Variants in LARS2 observed in about 807,000 individuals in gnomAD.
LARS2 encodes the protein leucyl-tRNA synthetase 2, mitochondrial.
LARS2 carries 81 observed loss-of-function variants against 116.6 expected under a neutral mutation model. The observed-to-expected ratio is 0.69, with a 90% confidence interval of 0.58 to 0.84. LARS2 has a LOEUF of 0.84. LARS2 is among the 40% of genes least tolerant of loss of function. The pLI, the probability that LARS2 is intolerant of heterozygous loss-of-function variation, is 0.00. For synonymous variants in LARS2, 396 were observed against 407.2 expected, an observed-to-expected ratio of 0.97 and a Z score of 0.33; for missense variants, 968 against 1,114.5, an observed-to-expected ratio of 0.87 and a Z score of 1.87.
intron 7 of LARS2, among the ~76,000 whole-genome samples, chr3:45,448,603 A>C (rs7645740): frequency 0.7 from 106,557 of 151,784 alleles, 39,592 homozygotes; most frequent in East Asian, 0.89. Context: ...TTATTAACAG[A>C]AAGGGAGTCA....
chr3:45,434,203 G>T (rs191630074), intron 6 of LARS2, among the ~76,000 whole-genome samples: 1 of 152,294 alleles, frequency 6.6e-6, no homozygotes, highest in Admixed American at 6.5e-5. Context: ...TGCCTTAGGA[G>T]ACTCTGATGA....
chr3:45,404,830 G>T (rs1390620899), intron 4 of LARS2, among the ~76,000 whole-genome samples: 1 of 152,048 alleles, frequency 6.6e-6, no homozygotes, highest in Non-Finnish European at 1.5e-5. Flanking sequence ...CAGGTGATCA[G>T]CCTGCCTCGG....
intron 15 of LARS2, among the ~76,000 whole-genome samples, chr3:45,510,140 C>T (rs1029315865): frequency 9.9e-5 from 15 of 152,166 alleles, no homozygotes; most frequent in South Asian, 2.1e-4. Flanking sequence ...AGGCCAGGAG[C>T]AGTGGCTCAT....
At chr3:45,542,884 A>C (rs757242024) in intron 21 of LARS2, among the ~76,000 whole-genome samples, 10 of 152,252 alleles carry the variant, frequency 6.6e-5, no homozygotes, top group Non-Finnish European at 1.5e-4. Context: ...GATAGGGAAG[A>C]ATAAAAAGGA....
rs575167922 is a variant in LARS2, at chr3:45,458,662, G to A, written c.607-81G>A. The stretch of plus-strand genomic sequence containing the variant: ...AGATCACGCCACTGCACTCTAGCCC[G>A]GGCGACAGTGCGACACTCCCTGTCA... On this transcript the variant is annotated intron_variant, in intron 7 of 21. Transcript: ENST00000645846. 121 of 1,441,320 alleles carry A rather than the reference G, an allele frequency of 8.4e-5. 1 individual carries two copies. Among genetic ancestry groups the A allele is most frequent in the Middle Eastern group, 1.8e-4 (1 of 5,694 alleles). 89.3% of individuals were successfully genotyped at this position (1,441,320 alleles called of 1,614,324 possible).
chr3:45,473,331 C>T (rs1699558253), intron 8 of LARS2, among the ~76,000 whole-genome samples: 2 of 151,688 alleles, frequency 1.3e-5, no homozygotes. Flanking sequence ...AGATAGATGA[C>T]AAATATGAAA....
intron 4 of LARS2, among the ~76,000 whole-genome samples, chr3:45,413,822 G>T (rs2125683634): frequency 6.6e-6 from 1 of 152,338 alleles, no homozygotes; most frequent in Middle Eastern, 3.4e-3. Flanking sequence ...GCTTAGGAGA[G>T]AACAGATCTG....
chr3:45,401,003 C>CGG (rs1698138124), intron 4 of LARS2, among the ~76,000 whole-genome samples: 2 of 151,956 alleles, frequency 1.3e-5, no homozygotes, highest in South Asian at 2.1e-4. Flanking sequence ...TTAGTAGAGA[C>CGG]GGTTTCACTG....
intron 7 of LARS2, among the ~76,000 whole-genome samples, chr3:45,447,929 TTAAAG>T (rs1301370347): frequency 1.3e-5 from 2 of 152,070 alleles, no homozygotes; most frequent in South Asian, 2.1e-4. Context: ...TTGCTTAAAT[TTAAAG>T]TAATTAAAAT....
At chr3:45,455,608 G>T (rs747951723) in intron 7 of LARS2, among the ~76,000 whole-genome samples, 17 of 152,118 alleles carry the variant, frequency 1.1e-4, no homozygotes, top group Admixed American at 5.2e-4. Flanking sequence ...ATGAAAAATG[G>T]AACTACCATA....
chr3:45,427,313 C>T (rs1698611209), intron 6 of LARS2, among the ~76,000 whole-genome samples: 1 of 152,166 alleles, frequency 6.6e-6, no homozygotes, highest in African/African-American at 2.4e-5. Context: ...GGTTCTCAAA[C>T]TTTGGCAAGC....
At chr3:45,417,433 G>C in intron 4 of LARS2, 49 bp from the exon 5 acceptor site, 2 of 1,345,422 alleles carry the variant, frequency 1.5e-6, no homozygotes, top group Non-Finnish European at 2.1e-6. Flanking sequence ...CAATACCAAT[G>C]GAGTTATTAA....
intron 6 of LARS2, among the ~76,000 whole-genome samples, chr3:45,431,603 T>A (rs995248222): frequency 1.3e-5 from 2 of 152,086 alleles, no homozygotes; most frequent in South Asian, 4.1e-4. Context: ...AATGGGAATG[T>A]TATAACTTTT....
chr3:45,539,518 C>T (rs1202864558), intron 20 of LARS2, among the ~76,000 whole-genome samples: 1 of 152,054 alleles, frequency 6.6e-6, no homozygotes, highest in African/African-American at 2.4e-5. Context: ...ATAGTCTCAG[C>T]TACTCAGGAG....
chr3:45,404,800 T>C (rs139820027), intron 4 of LARS2, among the ~76,000 whole-genome samples: 5,134 of 152,258 alleles, frequency 0.034, 119 homozygotes, highest in East Asian at 0.11. Flanking sequence ...TTGGCCAGGC[T>C]GGTCTAGAAC....
At chr3:45,492,969 T>C (rs1430099368) in intron 13 of LARS2, among the ~76,000 whole-genome samples, 2 of 152,172 alleles carry the variant, frequency 1.3e-5, no homozygotes, top group Non-Finnish European at 2.9e-5. Context: ...AGGGCTTCCC[T>C]ACCAGAGATG....
Position 45,518,020 on chromosome 3 carries a change from A to T in LARS2, c.2162A>T (p.Glu721Val). The T allele has an allele frequency of 6.2e-7, 1 of 1,613,844 alleles. No individual in the cohort carries two copies. Reference sequence around the variant, plus strand: ...CAGCCTCAGCTGCTGAGTAACAAGGAGAAAGCTGAGGCCAGGAAGCTCTGG... The same window carrying T: ...CAGCCTCAGCTGCTGAGTAACAAGGTGAAAGCTGAGGCCAGGAAGCTCTGG... ...SPQPQLLSNK[E>V]KAEARKLWEY... Residue 721 changes from glutamate (E) to valine (V), a missense_variant, in exon 18 of 22, where the codon GAG (glutamate) becomes GTG (valine). By Grantham distance (121) the Glu-to-Val change is moderately radical. Coordinates refer to ENST00000645846, the MANE Select transcript of LARS2 (RefSeq NM_015340.4).
intron 20 of LARS2, among the ~76,000 whole-genome samples, chr3:45,539,644 A>G (rs1700761546): frequency 6.6e-6 from 1 of 151,998 alleles, no homozygotes; most frequent in African/African-American, 2.4e-5. Context: ...AAAAGAAACA[A>G]AGAGAAATTA....
At chr3:45,435,066 T>A (rs949538217) in intron 6 of LARS2, among the ~76,000 whole-genome samples, 2 of 152,166 alleles carry the variant, frequency 1.3e-5, no homozygotes, top group South Asian at 4.1e-4. Context: ...GTGATGTCAG[T>A]TCTCTAGGTT....
Sources: gnomAD v4.1 joint callset for allele counts (sites outside exome capture counted in the v4.1 genomes callset) on GRCh38, gnomAD v4.1.1 for gene constraint, MANE v1.5 for transcripts, NCBI Gene and HGNC (gene_info 2026-07-23, HGNC 2026-07-21) for gene names.